SORBS2: variants seen among roughly 807,000 people sequenced by gnomAD.
The protein encoded by SORBS2 is sorbin and SH3 domain-containing protein 2.
In SORBS2, 46 loss-of-function variants were observed where a neutral mutation model predicts 97.7. The observed-to-expected ratio is 0.47, with a 90% CI of 0.37 to 0.60. The LOEUF is 0.60. Among genes scored for constraint, SORBS2 ranks in the 20% least tolerant of loss-of-function variants. The probability of loss-of-function intolerance (pLI) is 0.00; values close to 1 mark genes in which losing one functional copy is unlikely to be tolerated. For missense variants in SORBS2, 1,316 were observed against 1,282.3 expected (o/e 1.03, Z -0.40); for synonymous variants, 476 against 473.4 (o/e 1.01, Z -0.07).
intron 12 of SORBS2, among the ~76,000 whole-genome samples, chr4:185,609,799 A>T (rs923854449): frequency 3.9e-5 from 6 of 152,262 alleles, no homozygotes; most frequent in Non-Finnish European, 4.4e-5. Flanking sequence ...TAGGTTCTGT[A>T]GCGTTTAGTA....
chr4:185,932,944 C>G (rs186559704), intron 1 of SORBS2: 3 of 152,322 alleles, frequency 2.0e-5, no homozygotes, highest in African/African-American at 7.2e-5. Context: ...ACGAGAAAAG[C>G]AGAATTCTTC....
chr4:185,683,066 C>T (rs1413266789), intron 2 of SORBS2, among the ~76,000 whole-genome samples: 8 of 151,230 alleles, frequency 5.3e-5, no homozygotes, highest in Admixed American at 6.6e-5. Context: ...TCTTACTTTA[C>T]GTCTAATTGA....
chr4:185,752,021 C>T (rs115463675), intron 2 of SORBS2, among the ~76,000 whole-genome samples: 3,137 of 152,070 alleles, frequency 0.021, 50 homozygotes, highest in Non-Finnish European at 0.029. Flanking sequence ...AGGACAGAGA[C>T]GCTGCTGAAC....
intron 1 of SORBS2, among the ~76,000 whole-genome samples, chr4:185,787,134 AC>A (rs1422115451): frequency 1.3e-5 from 2 of 151,978 alleles, no homozygotes; most frequent in African/African-American, 4.8e-5. Flanking sequence ...TCTTTTTCCT[AC>A]TACACTGCAG....
intron 3 of SORBS2, among the ~76,000 whole-genome samples, chr4:185,647,330 A>G (rs2097225014): frequency 6.6e-6 from 1 of 152,156 alleles, no homozygotes; most frequent in East Asian, 1.9e-4. Flanking sequence ...AGAGGCTGTC[A>G]GAAGACTTAC....
intron 1 of SORBS2, among the ~76,000 whole-genome samples, chr4:185,923,987 G>A (rs1033175211): frequency 7.9e-5 from 12 of 152,176 alleles, no homozygotes; most frequent in African/African-American, 2.9e-4. Flanking sequence ...CCACTAGAAT[G>A]GAAGCAGCAT....
chr4:185,931,742 G>A (rs1239479641), intron 1 of SORBS2, among the ~76,000 whole-genome samples: 4 of 152,012 alleles, frequency 2.6e-5, no homozygotes, highest in Non-Finnish European at 5.9e-5. Flanking sequence ...AGGTTAGGGA[G>A]AGAGTCACTG....
chr4:185,786,959 T>A (rs1476285893), intron 1 of SORBS2, among the ~76,000 whole-genome samples: 1 of 140,912 alleles, frequency 7.1e-6, no homozygotes, highest in African/African-American at 2.7e-5. Flanking sequence ...CATTTTTTTT[T>A]TTTTTTTTGA....
intron 1 of SORBS2, among the ~76,000 whole-genome samples, chr4:185,895,521 C>G (rs1310681128): frequency 6.6e-6 from 1 of 152,210 alleles, no homozygotes; most frequent in African/African-American, 2.4e-5. Context: ...TCATGGCGCC[C>G]GGGCGACACC....
intron 4 of SORBS2, among the ~76,000 whole-genome samples, chr4:185,640,349 C>T (rs891201519): frequency 8.5e-5 from 13 of 152,294 alleles, no homozygotes; most frequent in Non-Finnish European, 1.5e-4. Flanking sequence ...CATACACAAA[C>T]GACTACAATG....
At chr4:185,806,819 AG>A (rs1290292580) in intron 1 of SORBS2, among the ~76,000 whole-genome samples, 1 of 152,132 alleles carries the variant, frequency 6.6e-6, no homozygotes, top group Non-Finnish European at 1.5e-5. Context: ...CAGCTATATT[AG>A]TCTCTGAGGG....
At chr4:185,843,434 G>A (rs1187893823) in intron 1 of SORBS2, among the ~76,000 whole-genome samples, 2 of 152,020 alleles carry the variant, frequency 1.3e-5, no homozygotes, top group East Asian at 1.9e-4. Context: ...TGACAAAATT[G>A]TCTACATAGA....
intron 1 of SORBS2, among the ~76,000 whole-genome samples, chr4:185,808,609 T>C (rs2099166521): frequency 6.6e-6 from 1 of 152,216 alleles, no homozygotes; most frequent in African/African-American, 2.4e-5. Flanking sequence ...ACCCAGGTAC[T>C]CAAGTTGTAG....
At chr4:185,861,302 C>T (rs140169210) in intron 1 of SORBS2, among the ~76,000 whole-genome samples, 8 of 135,062 alleles carry the variant, frequency 5.9e-5, no homozygotes, top group African/African-American at 2.3e-4. Flanking sequence ...TTTGGAATGT[C>T]CTTCGCTGAA....
rs546203327 is a variant in SORBS2 at position 185,931,677 on chromosome 4, C to T, written c.-338+24519G>A. Among the ~76,000 whole-genome samples, 27 of 152,092 alleles carry T rather than the reference C, an allele frequency of 1.8e-4. 1 individual carries two copies. Among genetic ancestry groups the T allele is most frequent in the African/African-American group, 4.6e-4 (19 of 41,464 alleles). ...GTGCAGGGGACTTTCATTAAACTGA[C>T]GCAGCAGGATTCTTGCTGAAATTAG... On this transcript the variant is annotated intron_variant, in intron 1 of 20. Coordinates refer to the SORBS2 transcript ENST00000284776.
At chr4:185,840,234 G>T (rs1027217024) in intron 1 of SORBS2, among the ~76,000 whole-genome samples, 10 of 152,136 alleles carry the variant, frequency 6.6e-5, no homozygotes, top group African/African-American at 1.7e-4. Flanking sequence ...CAATTTTCCC[G>T]TGTTATGGAA....
intron 2 of SORBS2, among the ~76,000 whole-genome samples, chr4:185,714,885 C>A (rs187054131): frequency 4.4e-4 from 67 of 152,290 alleles, no homozygotes; most frequent in African/African-American, 1.6e-3. Context: ...GGCCACAGAG[C>A]CAAACCATAT....
At chr4:185,793,672 C>T (rs956204533) in intron 1 of SORBS2, among the ~76,000 whole-genome samples, 17 of 152,074 alleles carry the variant, frequency 1.1e-4, no homozygotes, top group East Asian at 7.7e-4. Context: ...CAAAACAAAG[C>T]GTGTCTGGGC....
In SORBS2 at chr4:185,684,898, T is replaced by G; in HGVS notation, c.-197-6076A>C. 1.5e-6 allele frequency: 2 copies of G among 1,297,486 alleles called. No individual in the cohort carries two copies. Among genetic ancestry groups the G allele is most frequent in the Non-Finnish European group, 2.2e-6 (2 of 917,592 alleles). The allele number at this position is 1,297,486 out of a possible 1,614,324, so 80.4% of individuals were successfully genotyped here. A position where few individuals can be genotyped will look rare whatever the true frequency, so the allele number is the denominator to read the frequency against. ...AGGCCAAGGCAACGGGAAAAGCACG[T>G]GCAATATCATGCGTTTTAAGAGAAA... On this transcript the variant is annotated intron_variant, in intron 2 of 20. Coordinates refer to the SORBS2 transcript ENST00000284776. The surrounding 1 kb of genome is among the most constrained non-coding windows in gnomAD (Gnocchi z 4.2).
Sources: allele counts gnomAD v4.1 joint callset (sites outside exome capture counted in the v4.1 genomes callset), GRCh38; gene constraint gnomAD v4.1.1; non-coding constraint Gnocchi (gnomAD v3.1); transcripts MANE v1.5; gene names NCBI Gene and HGNC (gene_info 2026-07-23, HGNC 2026-07-21).